The following NEK11 variants were observed in gnomAD, a reference collection of about 807,000 sequenced individuals.
NEK11 encodes serine/threonine-protein kinase Nek11.
NEK11 carries 72 observed loss-of-function variants against 80.7 expected under a neutral mutation model. That is an observed-to-expected ratio of 0.89 (90% CI 0.74 to 1.08). The LOEUF is 1.08. NEK11 is among the 50% of genes least tolerant of loss of function. The probability of loss-of-function intolerance (pLI) is 0.00; values close to 1 mark genes in which losing one functional copy is unlikely to be tolerated. For missense variants in NEK11, 764 were observed against 763.6 expected, an observed-to-expected ratio of 1.00 and a Z score of -0.01; for synonymous variants, 251 against 260.7, an observed-to-expected ratio of 0.96 and a Z score of 0.36.
intron 17 of NEK11, among the ~76,000 whole-genome samples, chr3:131,331,597 AGACAGTGGGCGCAG>A (rs2097083742): frequency 1.3e-5 from 2 of 152,224 alleles, no homozygotes; most frequent in South Asian, 2.1e-4. Context: ...AGGGAGTGCC[AGACAGTGGGCGCAG>A]GACAGTGGGT....
At chr3:131,058,676 C>T (rs1298346942) in intron 3 of NEK11, among the ~76,000 whole-genome samples, 1 of 152,136 alleles carries the variant, frequency 6.6e-6, no homozygotes, top group Admixed American at 6.6e-5. Context: ...CTACAGTCAA[C>T]TTTATGCCTC....
intron 17 of NEK11, among the ~76,000 whole-genome samples, chr3:131,337,182 A>C (rs1434744627): frequency 3.9e-5 from 6 of 152,220 alleles, no homozygotes; most frequent in Non-Finnish European, 5.9e-5. Context: ...TTATTGTGGC[A>C]CTATTCACAA....
At chr3:131,300,018 C>G (rs561740024) in intron 17 of NEK11, among the ~76,000 whole-genome samples, 26 of 152,340 alleles carry the variant, frequency 1.7e-4, no homozygotes, top group Middle Eastern at 6.8e-3. Flanking sequence ...ATTCCCTTTT[C>G]TCTGCATCAT....
chr3:131,320,522 A>C (rs1233777513), intron 17 of NEK11, among the ~76,000 whole-genome samples: 1 of 120,272 alleles, frequency 8.3e-6, no homozygotes, highest in Non-Finnish European at 1.6e-5. Flanking sequence ...AAGAGGAGGG[A>C]GAGAGAGAGA....
intron 17 of NEK11, among the ~76,000 whole-genome samples, chr3:131,346,610 G>A (rs1422475822): frequency 1.3e-5 from 2 of 152,184 alleles, no homozygotes; most frequent in African/African-American, 2.4e-5. Flanking sequence ...AAAGGTATTT[G>A]CGAGATAATG....
At chr3:131,255,192 C>T (rs2095794999) in intron 16 of NEK11, among the ~76,000 whole-genome samples, 1 of 152,238 alleles carries the variant, frequency 6.6e-6, no homozygotes, top group Non-Finnish European at 1.5e-5. Context: ...TACCTTGGCT[C>T]ATAATGTAGT....
chr3:131,159,921 A>G (rs907706116), intron 10 of NEK11, among the ~76,000 whole-genome samples: 2 of 152,236 alleles, frequency 1.3e-5, no homozygotes, highest in African/African-American at 2.4e-5. Context: ...GGGATTATGT[A>G]AAAGAGGTCA....
intron 17 of NEK11, among the ~76,000 whole-genome samples, chr3:131,294,771 G>A (rs562071397): frequency 6.6e-6 from 1 of 152,204 alleles, no homozygotes; most frequent in African/African-American, 2.4e-5. Flanking sequence ...TAAAGAACAT[G>A]TGTGTTAAGG....
At chr3:131,291,329 G>T (rs781579798) in intron 17 of NEK11, among the ~76,000 whole-genome samples, 1 of 152,024 alleles carries the variant, frequency 6.6e-6, no homozygotes, top group Non-Finnish European at 1.5e-5. Context: ...CCATTCATCT[G>T]CTGAAGGACA....
At chr3:131,255,520 A>G (rs759457521) in intron 16 of NEK11, among the ~76,000 whole-genome samples, 27 of 152,274 alleles carry the variant, frequency 1.8e-4, no homozygotes, top group Admixed American at 3.3e-4. Flanking sequence ...CCTTGGCCCT[A>G]TACATCTAGG....
intron 3 of NEK11, among the ~76,000 whole-genome samples, chr3:131,045,871 C>A (rs180769692): frequency 6.6e-6 from 1 of 152,128 alleles, no homozygotes. Flanking sequence ...CCCTCTTTGT[C>A]CTTTTTAACT....
intron 14 of NEK11, among the ~76,000 whole-genome samples, chr3:131,203,795 A>AAAGTT (rs1560950234): frequency 1.0e-4 from 1 of 9,798 alleles, no homozygotes; most frequent in Non-Finnish European, 2.9e-4. Flanking sequence ...ATATATATAT[A>AAAGTT]TATATATATA....
chr3:131,319,579 C>A (rs1166300654), intron 17 of NEK11, among the ~76,000 whole-genome samples: 1 of 152,106 alleles, frequency 6.6e-6, no homozygotes, highest in East Asian at 1.9e-4. Context: ...GTGGTGGTAA[C>A]TTGGTGGTGG....
chr3:131,274,829 AT>A (rs1476493727), intron 17 of NEK11, among the ~76,000 whole-genome samples: 2 of 149,120 alleles, frequency 1.3e-5, no homozygotes, highest in East Asian at 2.0e-4. Flanking sequence ...AATTTTTTGT[AT>A]TTTTAGTAGA....
Position 131,174,826 on chromosome 3 carries a change from T to C in NEK11, c.1399+3939T>C, listed in dbSNP as rs756195111. ...CCAAAGCTGGAATAGCCTGAGACTC[T>C]AGGGCCTGGGTCTACAAGGAGCATG... is the stretch of plus-strand genomic sequence containing the variant. On this transcript the variant is annotated intron_variant, in intron 14 of 17. Transcript: ENST00000383366. 2.5e-6 allele frequency: 4 copies of C among 1,606,102 alleles called. No homozygotes were observed. In the East Asian group the frequency reaches 6.7e-5, roughly 27 times the overall value.
chr3:131,105,631 G>T (rs2149309985), intron 4 of NEK11, among the ~76,000 whole-genome samples: 1 of 152,280 alleles, frequency 6.6e-6, no homozygotes, highest in East Asian at 1.9e-4. Flanking sequence ...GCAAGCAGGG[G>T]AAATGCTAGA....
intron 14 of NEK11, among the ~76,000 whole-genome samples, chr3:131,190,663 C>T (rs974604861): frequency 1.3e-5 from 2 of 152,144 alleles, no homozygotes; most frequent in African/African-American, 4.8e-5. Context: ...TTATAAATTA[C>T]CCATCCTCAG....
At chr3:131,175,260 T>C in intron 14 of NEK11, 1 of 343,556 alleles carries the variant, frequency 2.9e-6, no homozygotes, top group Non-Finnish European at 4.1e-6. Context: ...TTTTAGATAG[T>C]TATCTGAAAA....
At chr3:131,312,964 T>G (rs1372358703) in intron 17 of NEK11, among the ~76,000 whole-genome samples, 1 of 152,140 alleles carries the variant, frequency 6.6e-6, no homozygotes, top group Non-Finnish European at 1.5e-5. Context: ...TTTCCACTCC[T>G]CTTCCTCCTC....
Sources: allele counts gnomAD v4.1 joint callset (sites outside exome capture counted in the v4.1 genomes callset), GRCh38; gene constraint gnomAD v4.1.1; transcripts MANE v1.5; gene names NCBI Gene and HGNC (gene_info 2026-07-23, HGNC 2026-07-21).